Variants in STAG1 observed in about 807,000 individuals in gnomAD.
STAG1 encodes the protein cohesin subunit SA-1.
In STAG1, 26 loss-of-function variants were observed where a neutral mutation model predicts 170.9. The ratio of observed to expected loss-of-function variants is 0.15; its 90% confidence interval spans 0.11 to 0.21. The LOEUF (loss-of-function observed/expected upper bound fraction) is 0.21. Ranked by LOEUF, STAG1 falls within the 10% of genes least tolerant of loss-of-function variation. The probability of loss-of-function intolerance (pLI) is 1.00; values close to 1 mark genes in which losing one functional copy is unlikely to be tolerated. For synonymous variants in STAG1, 514 were observed against 497.7 expected, an observed-to-expected ratio of 1.03 and a Z score of -0.44; for missense variants, 964 against 1,509.5, an observed-to-expected ratio of 0.64 and a Z score of 5.99.
intron 1 of STAG1, among the ~76,000 whole-genome samples, chr3:136,695,293 C>T (rs1942850444): frequency 1.0e-5 from 1 of 100,132 alleles, no homozygotes; most frequent in South Asian, 2.7e-4. Flanking sequence ...AAATAATCAG[C>T]TATGTGTGGT....
chr3:136,372,887 C>A (rs1937421714), intron 23 of STAG1, among the ~76,000 whole-genome samples: 1 of 152,178 alleles, frequency 6.6e-6, no homozygotes, highest in South Asian at 2.1e-4. Context: ...AGGATTCCCT[C>A]TTTTTCTATT....
chr3:136,370,887 G>A (rs1351933283), intron 23 of STAG1, among the ~76,000 whole-genome samples: 1 of 152,190 alleles, frequency 6.6e-6, no homozygotes, highest in Non-Finnish European at 1.5e-5. Context: ...GTAATGGGAT[G>A]GCTGAGTCAA....
intron 13 of STAG1, among the ~76,000 whole-genome samples, chr3:136,464,462 A>G (rs1205932742): frequency 6.6e-6 from 1 of 152,068 alleles, no homozygotes; most frequent in African/African-American, 2.4e-5. Flanking sequence ...TCATAATGGA[A>G]AGAATGAAAA....
At chr3:136,597,783 T>C (rs1015210646) in intron 4 of STAG1, among the ~76,000 whole-genome samples, 2 of 151,416 alleles carry the variant, frequency 1.3e-5, no homozygotes, top group African/African-American at 2.4e-5. Flanking sequence ...TCAATTGCTA[T>C]AGCTCTTCTT....
At chr3:136,531,858 T>C (rs1559863584) in intron 6 of STAG1, among the ~76,000 whole-genome samples, 1 of 147,474 alleles carries the variant, frequency 6.8e-6, no homozygotes, top group Non-Finnish European at 1.5e-5. Flanking sequence ...CATGTATACA[T>C]ATGTAACTAA....
intron 1 of STAG1, among the ~76,000 whole-genome samples, chr3:136,678,179 T>C (rs538121669): frequency 6.6e-6 from 1 of 150,640 alleles, no homozygotes; most frequent in African/African-American, 2.4e-5. Flanking sequence ...TCTACTTTAT[T>C]AAGAAAAAAA....
chr3:136,719,653 G>GGGTGGGTGGGTA (rs1339735526), intron 1 of STAG1, among the ~76,000 whole-genome samples: 4 of 119,656 alleles, frequency 3.3e-5, no homozygotes, highest in South Asian at 3.3e-4. Flanking sequence ...GTGGGTAGGT[G>GGGTGGGTGGGTA]GGTGGGTGGG....
chr3:136,750,206 G>A (rs1935159444), intron 1 of STAG1, among the ~76,000 whole-genome samples: 1 of 152,038 alleles, frequency 6.6e-6, no homozygotes, highest in Admixed American at 6.6e-5. Context: ...TTAAAGAGAT[G>A]GAGTCTTGTA....
At chr3:136,437,679 T>C (rs1396350585) in intron 15 of STAG1, among the ~76,000 whole-genome samples, 1 of 152,184 alleles carries the variant, frequency 6.6e-6, no homozygotes, top group African/African-American at 2.4e-5. Context: ...TTTTCTCCTC[T>C]GCAATATATA....
At chr3:136,544,623 G>T (rs1326084217) in intron 5 of STAG1, among the ~76,000 whole-genome samples, 1 of 151,856 alleles carries the variant, frequency 6.6e-6, no homozygotes, top group Non-Finnish European at 1.5e-5. Context: ...AAACAGCCGG[G>T]TGTGGGTGGC....
chr3:136,347,484 T>C (rs1333728790), intron 29 of STAG1, among the ~76,000 whole-genome samples: 2 of 151,934 alleles, frequency 1.3e-5, no homozygotes, highest in African/African-American at 2.4e-5. Flanking sequence ...CAAGATTTTA[T>C]ATTTTCTTTC....
intron 9 of STAG1, among the ~76,000 whole-genome samples, chr3:136,486,497 G>C (rs2090015347): frequency 6.6e-6 from 1 of 152,136 alleles, no homozygotes; most frequent in Admixed American, 6.5e-5. Context: ...TATCATTTTA[G>C]CTCTTTCAGT....
At chr3:136,658,081 A>AG (rs559697340) in intron 1 of STAG1, among the ~76,000 whole-genome samples, 187 of 151,624 alleles carry the variant, frequency 1.2e-3, no homozygotes, top group African/African-American at 4.3e-3. Flanking sequence ...CCAACACTTC[A>AG]GGGGGGGCTG....
At chr3:136,523,663 C>A (rs1350644105) in intron 6 of STAG1, among the ~76,000 whole-genome samples, 2 of 152,166 alleles carry the variant, frequency 1.3e-5, no homozygotes, top group South Asian at 4.1e-4. Flanking sequence ...ACGTGAAGTC[C>A]TTGCCCATGC....
At chr3:136,365,676 T>C (rs1576393488) in intron 25 of STAG1, among the ~76,000 whole-genome samples, 1 of 152,058 alleles carries the variant, frequency 6.6e-6, no homozygotes, top group East Asian at 1.9e-4. Flanking sequence ...AGCCTAAGAT[T>C]ACAGAATACA....
intron 1 of STAG1, among the ~76,000 whole-genome samples, chr3:136,632,059 T>C (rs1449493276): frequency 1.3e-5 from 2 of 152,094 alleles, no homozygotes; most frequent in African/African-American, 2.4e-5. Context: ...GTATCAGTCT[T>C]CCTAATGGAA....
At chr3:136,551,207 G>GA (rs1491173436) in intron 5 of STAG1, among the ~76,000 whole-genome samples, 1 of 40,042 alleles carries the variant, frequency 2.5e-5, no homozygotes, top group African/African-American at 1.1e-4. Flanking sequence ...TTGAGAGAGA[G>GA]TGAGAGAGAG....
chr3:136,363,783 T>C (rs911077736), intron 25 of STAG1, among the ~76,000 whole-genome samples: 2 of 152,168 alleles, frequency 1.3e-5, no homozygotes, highest in African/African-American at 4.8e-5. Context: ...TCTTGTTTGA[T>C]ACAGGGTCTC....
chr3:136,751,534 G>A (rs1935238687), intron 1 of STAG1, among the ~76,000 whole-genome samples: 1 of 151,966 alleles, frequency 6.6e-6, no homozygotes. Context: ...GGAGGCCCCC[G>A]TCGGGGGCTG....
Sources: gnomAD v4.1 joint callset for allele counts (sites outside exome capture counted in the v4.1 genomes callset) on GRCh38, gnomAD v4.1.1 for gene constraint, MANE v1.5 for transcripts, NCBI Gene and HGNC (gene_info 2026-07-23, HGNC 2026-07-21) for gene names.